The following SLC35F3 variants were observed in gnomAD, a reference collection of about 807,000 sequenced individuals.
SLC35F3 encodes putative thiamine transporter SLC35F3.
A neutral mutation model predicts 49.9 loss-of-function variants in SLC35F3; 25 were observed. That is an observed-to-expected ratio of 0.50 (90% confidence interval 0.37 to 0.70). SLC35F3 has a LOEUF of 0.70. SLC35F3 is among the 30% of genes least tolerant of loss of function. The pLI is 0.00. For missense variants in SLC35F3, 525 were observed against 639.8 expected, an observed-to-expected ratio of 0.82 and a Z score of 1.94; for synonymous variants, 275 against 265.4, an observed-to-expected ratio of 1.04 and a Z score of -0.35.
At chr1:234,033,765 A>G (rs1002261763) in intron 2 of SLC35F3, among the ~76,000 whole-genome samples, 3 of 152,146 alleles carry the variant, frequency 2.0e-5, no homozygotes, top group African/African-American at 7.2e-5. Context: ...TAGTAGCCTT[A>G]TAGTAGTTTG....
intron 2 of SLC35F3, among the ~76,000 whole-genome samples, chr1:234,006,030 G>A (rs2102834986): frequency 6.6e-6 from 1 of 152,206 alleles, no homozygotes; most frequent in Non-Finnish European, 1.5e-5. Flanking sequence ...ATGATGCATT[G>A]GTACTTCACT....
rs1664665145 is a variant in SLC35F3, at chr1:234,068,926, T to TAAAATTATATAATTTTACTACATATA, written c.284-162490_284-162489insAAATTATATAATTTTACTACATATAA. ...ATATATATTTTTATATGTAATATAT[T>TAAAATTATATAATTTTACTACATATA]ATATATAAAATTATATAATTTTACT... On this transcript the variant is annotated intron_variant, in intron 2 of 7. Coordinates refer to ENST00000366618, the MANE Select transcript of SLC35F3 (RefSeq NM_173508.4). Among the ~76,000 whole-genome samples, 4 of 107,454 alleles carry TAAAATTATATAATTTTACTACATATA rather than the reference T, an allele frequency of 3.7e-5. No individual in the cohort carries two copies. In the Admixed American group the frequency reaches 3.8e-4, roughly 10 times the overall value. The allele number at this position is 107,454 out of a possible 152,430, so 70.5% of individuals were successfully genotyped here. A position where few individuals can be genotyped will look rare whatever the true frequency, so the allele number is the denominator to read the frequency against.
intron 2 of SLC35F3, among the ~76,000 whole-genome samples, chr1:233,995,689 TG>T (rs1334608419): frequency 2.0e-5 from 3 of 152,184 alleles, no homozygotes; most frequent in African/African-American, 7.2e-5. Context: ...CAAAGGTCCC[TG>T]CTTATCCCTG....
chr1:233,932,269 C>T (rs1158700386), intron 2 of SLC35F3, among the ~76,000 whole-genome samples: 2 of 150,922 alleles, frequency 1.3e-5, no homozygotes, highest in African/African-American at 2.4e-5. Context: ...ACATTCTGTA[C>T]GTGTACCCCA....
Position 233,994,267 on chromosome 1 carries a change from A to G in SLC35F3, c.283+88509A>G, listed in dbSNP as rs189280797. On this transcript the variant is annotated intron_variant, in intron 2 of 7. Transcript: ENST00000366618. ...CTGAGTACATGATCTTTGAAACTTT[A>G]TAAGAAGTTTTTGAGATAGGTGCTC... 2.6e-5 allele frequency among the ~76,000 whole-genome samples: 4 copies of G among 152,304 alleles called. No individual in the cohort carries two copies. In the East Asian group the frequency reaches 7.7e-4, roughly 29 times the overall value.
intron 2 of SLC35F3, among the ~76,000 whole-genome samples, chr1:233,906,116 C>G (rs961087819): frequency 1.3e-5 from 2 of 152,238 alleles, no homozygotes; most frequent in African/African-American, 4.8e-5. Context: ...CTGAAAGTCT[C>G]ACAGGGCCCT....
At chr1:234,316,070 T>C (rs1281872289) in intron 4 of SLC35F3, among the ~76,000 whole-genome samples, 1 of 152,186 alleles carries the variant, frequency 6.6e-6, no homozygotes. Context: ...TTTGTAGCCT[T>C]GATTGGCAGG....
At chr1:234,074,853 G>A (rs1558222192) in intron 2 of SLC35F3, among the ~76,000 whole-genome samples, 3 of 152,200 alleles carry the variant, frequency 2.0e-5, no homozygotes, top group Admixed American at 6.5e-5. Context: ...GGAAATCCAG[G>A]TGACACTGAT....
chr1:233,979,453 A>G (rs1663144880), intron 2 of SLC35F3, among the ~76,000 whole-genome samples: 1 of 152,224 alleles, frequency 6.6e-6, no homozygotes, highest in Non-Finnish European at 1.5e-5. Context: ...TTGTCCTTAT[A>G]TTTGGCAGCC....
chr1:233,977,760 A>G (rs546054247), intron 2 of SLC35F3, among the ~76,000 whole-genome samples: 2 of 152,216 alleles, frequency 1.3e-5, no homozygotes, highest in African/African-American at 4.8e-5. Context: ...TAAGTTGCCC[A>G]TAGTATTGCA....
At chr1:234,180,659 G>A (rs1418776036) in intron 2 of SLC35F3, among the ~76,000 whole-genome samples, 1 of 152,086 alleles carries the variant, frequency 6.6e-6, no homozygotes, top group African/African-American at 2.4e-5. Context: ...TTCCCTCATT[G>A]GCCACCTCCT....
intron 2 of SLC35F3, among the ~76,000 whole-genome samples, chr1:233,918,856 G>T (rs1662015847): frequency 6.6e-6 from 1 of 150,838 alleles, no homozygotes; most frequent in African/African-American, 2.4e-5. Context: ...GTGTGTGTGT[G>T]TTTATTTCTT....
intron 2 of SLC35F3, among the ~76,000 whole-genome samples, chr1:234,210,752 G>T (rs750747064): frequency 5.9e-5 from 9 of 152,246 alleles, no homozygotes; most frequent in Non-Finnish European, 8.8e-5. Flanking sequence ...GCAGCCTGAT[G>T]CAATAGAAAA....
At chr1:234,115,080 T>C (rs1446201055) in intron 2 of SLC35F3, among the ~76,000 whole-genome samples, 1 of 152,184 alleles carries the variant, frequency 6.6e-6, no homozygotes, top group Non-Finnish European at 1.5e-5. Flanking sequence ...TTTCTGTTCC[T>C]CCAAGGAAGC....
intron 2 of SLC35F3, among the ~76,000 whole-genome samples, chr1:233,911,768 A>G (rs1212131054): frequency 2.0e-5 from 3 of 152,310 alleles, no homozygotes; most frequent in Admixed American, 6.5e-5. Flanking sequence ...AAGCTTTCCA[A>G]CTAGAGCAGG....
intron 2 of SLC35F3, among the ~76,000 whole-genome samples, chr1:233,951,815 T>G (rs923068841): frequency 6.6e-6 from 1 of 152,012 alleles, no homozygotes; most frequent in African/African-American, 2.4e-5. Flanking sequence ...CAAGTGATCC[T>G]CTCCCTTGGG....
intron 2 of SLC35F3, among the ~76,000 whole-genome samples, chr1:233,986,088 C>G (rs999233840): frequency 2.0e-5 from 3 of 152,276 alleles, no homozygotes; most frequent in Admixed American, 6.5e-5. Flanking sequence ...GCACTTAGCT[C>G]ATACAATTGC....
chr1:233,975,367 A>G (rs552085044), intron 2 of SLC35F3, among the ~76,000 whole-genome samples: 77 of 152,378 alleles, frequency 5.1e-4, no homozygotes, highest in African/African-American at 1.8e-3. Context: ...TTACTGAGCC[A>G]GAGCCCTTAG....
At chr1:234,318,659 A>C (rs657010) in intron 5 of SLC35F3, 92 bp from the exon 6 acceptor site, 1,132,290 of 1,150,440 alleles carry the variant, frequency 0.98, 557,218 homozygotes, top group East Asian at 1. Context: ...TGCAGTGCAA[A>C]CCCAGCGTTG....
Sources: gnomAD v4.1 joint callset for allele counts (sites outside exome capture counted in the v4.1 genomes callset) on GRCh38, gnomAD v4.1.1 for gene constraint, MANE v1.5 for transcripts, NCBI Gene and HGNC (gene_info 2026-07-23, HGNC 2026-07-21) for gene names.